Variants in SH3D19 observed in about 807,000 individuals in gnomAD.
SH3D19 encodes the protein SH3 domain containing 19, also known as SH3 domain-containing protein 19.
SH3D19 carries 58 observed loss-of-function variants against 112.1 expected under a neutral mutation model. The observed-to-expected ratio is 0.52, with a 90% CI of 0.42 to 0.64. SH3D19 has a LOEUF of 0.64. SH3D19 is among the 30% of genes least tolerant of loss of function. SH3D19 has a pLI of 0.00. For synonymous variants in SH3D19, 391 were observed against 448.5 expected, an observed-to-expected ratio of 0.87 and a Z score of 1.62; for missense variants, 1,090 against 1,263.4, an observed-to-expected ratio of 0.86 and a Z score of 2.08.
chr4:151,271,168 C>T (rs1251236966), intron 1 of SH3D19, among the ~76,000 whole-genome samples: 2 of 152,252 alleles, frequency 1.3e-5, no homozygotes, highest in African/African-American at 4.8e-5. Flanking sequence ...TCAAGCAATC[C>T]TTTCACTTTG....
intron 1 of SH3D19, among the ~76,000 whole-genome samples, chr4:151,229,035 A>T (rs1384099296): frequency 2.3e-4 from 31 of 136,794 alleles, no homozygotes; most frequent in African/African-American, 2.2e-4. Context: ...AGCTAATTAA[A>T]TTTTTTTTTT....
rs534817501 is a variant in SH3D19 at position 151,156,024 on chromosome 4, G to A, written c.1755+3216C>T. Among the ~76,000 whole-genome samples, 11 of 152,146 alleles carry A rather than the reference G, an allele frequency of 7.2e-5. No individual in the cohort carries two copies. In the East Asian group the frequency reaches 2.1e-3, roughly 29 times the overall value. On this transcript the variant is annotated intron_variant, in intron 9 of 19. Transcript: ENST00000604030. ...AAATATCAGTAACATTTCTATACAT[G>A]ACAAAGAACTAGCTAAAAAAAGAAA...
intron 7 of SH3D19, 64 bp downstream of exon 7, chr4:151,174,606 A>C: frequency 7.0e-7 from 1 of 1,434,778 alleles, no homozygotes; most frequent in Non-Finnish European, 9.3e-7. Flanking sequence ...CTAAAACAGC[A>C]AGTGCCATTT....
chr4:151,307,064 G>A (rs1728987303), intron 1 of SH3D19, among the ~76,000 whole-genome samples: 1 of 148,012 alleles, frequency 6.8e-6, no homozygotes, highest in African/African-American at 2.5e-5. Flanking sequence ...TGTCGCCCAG[G>A]CTGGAGTGCA....
At chr4:151,223,381 C>G (rs1406263018) in intron 2 of SH3D19, among the ~76,000 whole-genome samples, 3 of 152,054 alleles carry the variant, frequency 2.0e-5, no homozygotes, top group African/African-American at 7.2e-5. Flanking sequence ...TTTGGATACT[C>G]AAATTACCCC....
In SH3D19 at chr4:151,143,941, G is replaced by A. The variant is rs150249923; in HGVS notation, c.2192C>T (p.Pro731Leu). The A allele has an allele frequency of 1.2e-6, 2 of 1,613,778 alleles. No individual in the cohort carries two copies. Among genetic ancestry groups the A allele is most frequent in the Admixed American group, 1.7e-5 (1 of 59,946 alleles). ...VHLSQMKIIT[P>L]LDEHLRSRPN... is the part of the protein sequence containing the mutation. ...TCTGCTTCTAAGATGTTCATCAAGT[G>A]GAGTGATAATCTTCATTTGAGACAG... The change falls in exon 12 of 20, where the codon CCA becomes CTA. Residue 731 changes from proline to leucine, a missense_variant. Coordinates refer to ENST00000604030, the MANE Select transcript of SH3D19 (RefSeq NM_001378122.1).
At chr4:151,256,248 A>G (rs920932524) in intron 1 of SH3D19, among the ~76,000 whole-genome samples, 20 of 152,188 alleles carry the variant, frequency 1.3e-4, no homozygotes, top group Non-Finnish European at 5.9e-5. Flanking sequence ...GATCTTTGAT[A>G]CTTTTGGCTC....
chr4:151,215,886 C>T (rs28658039), intron 2 of SH3D19, among the ~76,000 whole-genome samples: 2,776 of 151,338 alleles, frequency 0.018, 82 homozygotes, highest in African/African-American at 0.063. Flanking sequence ...AGTGCAGTGG[C>T]GTACTCTCGG....
At chr4:151,264,063 C>T (rs1772581884) in intron 1 of SH3D19, among the ~76,000 whole-genome samples, 1 of 152,090 alleles carries the variant, frequency 6.6e-6, no homozygotes, top group South Asian at 2.1e-4. Flanking sequence ...CCTTCGTCTC[C>T]CAAAGTACTG....
At chr4:151,202,991 T>C (rs540179248) in intron 2 of SH3D19, among the ~76,000 whole-genome samples, 7 of 152,242 alleles carry the variant, frequency 4.6e-5, no homozygotes, top group Admixed American at 3.9e-4. Context: ...CTGCCTAAAA[T>C]TTCAAGAATG....
chr4:151,288,361 A>G (rs1346642084), intron 1 of SH3D19, among the ~76,000 whole-genome samples: 4 of 152,376 alleles, frequency 2.6e-5, no homozygotes, highest in South Asian at 2.1e-4. Flanking sequence ...ACATGATTTT[A>G]TAAATAGAAA....
rs1029145046 is a variant in SH3D19, at chr4:151,255,811, G to A, written c.113-29725C>T. On this transcript the variant is annotated intron_variant, in intron 1 of 19. Transcript: ENST00000604030. ...AGGCCGAGGCTGGCGGATCACTTGC[G>A]GTTAGGGGCTGGAGACCGGCCTGGC... Among the ~76,000 whole-genome samples the A allele has an allele frequency of 3.9e-5, 6 of 152,356 alleles. No homozygotes were observed. In the East Asian group the frequency reaches 5.8e-4, roughly 15 times the overall value.
chr4:151,317,633 A>G (rs1233834693), intron 1 of SH3D19, among the ~76,000 whole-genome samples: 3 of 152,236 alleles, frequency 2.0e-5, no homozygotes. Flanking sequence ...CACTTTGAAC[A>G]TAATTGCTTA....
At chr4:151,284,572 G>A (rs570965061) in intron 1 of SH3D19, among the ~76,000 whole-genome samples, 4 of 152,096 alleles carry the variant, frequency 2.6e-5, no homozygotes, top group Non-Finnish European at 4.4e-5. Context: ...GTTATCTCAG[G>A]GATATTCTCC....
At chr4:151,240,709 C>G (rs1339125208) in intron 1 of SH3D19, among the ~76,000 whole-genome samples, 1 of 151,912 alleles carries the variant, frequency 6.6e-6, no homozygotes, top group Non-Finnish European at 1.5e-5. Flanking sequence ...TAAAATGGTA[C>G]AGTTGCTTTG....
intron 17 of SH3D19, among the ~76,000 whole-genome samples, chr4:151,130,218 G>C (rs751217622): frequency 5.3e-5 from 8 of 152,128 alleles, no homozygotes; most frequent in Non-Finnish European, 8.8e-5. Context: ...GAGGCAGGTG[G>C]AGCGCTTGAG....
At chr4:151,256,868 G>A (rs907242348) in intron 1 of SH3D19, among the ~76,000 whole-genome samples, 17 of 151,838 alleles carry the variant, frequency 1.1e-4, no homozygotes, top group African/African-American at 4.1e-4. Context: ...AGCCTCCCAA[G>A]TAGCTGGGAT....
At chr4:151,243,735 A>C (rs1309047471) in intron 1 of SH3D19, among the ~76,000 whole-genome samples, 1 of 152,254 alleles carries the variant, frequency 6.6e-6, no homozygotes, top group South Asian at 2.1e-4. Flanking sequence ...AAGCATTACA[A>C]CTGTTGGGAG....
intron 1 of SH3D19, among the ~76,000 whole-genome samples, chr4:151,299,989 G>C (rs1728209287): frequency 6.6e-6 from 1 of 152,144 alleles, no homozygotes; most frequent in Non-Finnish European, 1.5e-5. Context: ...ATCACCTGAG[G>C]TCGGGAGTTC....
Sources: gnomAD v4.1 joint callset for allele counts (sites outside exome capture counted in the v4.1 genomes callset) on GRCh38, gnomAD v4.1.1 for gene constraint, MANE v1.5 for transcripts, NCBI Gene and HGNC (gene_info 2026-07-23, HGNC 2026-07-21) for gene names.